PTPRD: variants seen among roughly 807,000 people sequenced by gnomAD.
The protein encoded by PTPRD is protein tyrosine phosphatase receptor type D.
In PTPRD, 34 loss-of-function variants were observed where a neutral mutation model predicts 214.5. That is an observed-to-expected ratio of 0.16 (90% CI 0.12 to 0.21). PTPRD has a LOEUF of 0.21. Ranked by LOEUF, PTPRD falls within the 10% of genes least tolerant of loss-of-function variation. The pLI is 1.00. For missense variants in PTPRD, 2,545 were observed against 2,398.7 expected (o/e 1.06, Z -1.27); for synonymous variants, 1,128 against 845.7 (o/e 1.33, Z -5.79).
chr9:8,581,463 C>T (rs1045045503), intron 14 of PTPRD, among the ~76,000 whole-genome samples: 1 of 151,932 alleles, frequency 6.6e-6, no homozygotes, highest in African/African-American at 2.4e-5. Context: ...AAAAGGGTGG[C>T]CGGGGCCGGG....
intron 2 of PTPRD, among the ~76,000 whole-genome samples, chr9:10,391,602 G>T (rs2098067022): frequency 6.6e-6 from 1 of 151,682 alleles, no homozygotes; most frequent in Non-Finnish European, 1.5e-5. Context: ...TATACCCTGA[G>T]TATAACCATT....
At chr9:9,477,995 A>T (rs1589426832) in intron 8 of PTPRD, among the ~76,000 whole-genome samples, 1 of 152,340 alleles carries the variant, frequency 6.6e-6, no homozygotes, top group East Asian at 1.9e-4. Context: ...CAAAAATTTA[A>T]TAACAGTAAT....
In PTPRD at chr9:8,774,625, C is replaced by A. The variant is rs374669061; in HGVS notation, c.-103-40679G>T. ...TCTCGGCCCACTGCAACCTCCGCCT[C>A]CTGGGTTCAAGTGATTCTCCTGCCT... is the stretch of plus-strand genomic sequence containing the variant. On this transcript the variant is annotated intron_variant, in intron 11 of 45. Transcript: ENST00000381196. 4.8e-3 allele frequency among the ~76,000 whole-genome samples: 714 copies of A among 148,338 alleles called. 4 individuals carry two copies. The highest frequency in any genetic ancestry group is 0.039 in the Middle Eastern group (11 of 282).
intron 3 of PTPRD, among the ~76,000 whole-genome samples, chr9:10,252,809 A>ACACT: frequency 6.6e-6 from 1 of 152,244 alleles, no homozygotes; most frequent in East Asian, 1.9e-4. Flanking sequence ...TTTGAGACAA[A>ACACT]CACTCACTCT....
At chr9:10,038,145 T>C (rs2097222086) in intron 3 of PTPRD, among the ~76,000 whole-genome samples, 1 of 152,156 alleles carries the variant, frequency 6.6e-6, no homozygotes, top group Admixed American at 6.6e-5. Context: ...ATTTCCATGA[T>C]GCTACTTTTC....
chr9:9,802,888 C>CT (rs2099050537), intron 5 of PTPRD, among the ~76,000 whole-genome samples: 1 of 151,832 alleles, frequency 6.6e-6, no homozygotes, highest in Non-Finnish European at 1.5e-5. Flanking sequence ...TTGCATTACA[C>CT]TAATAATGCA....
At chr9:9,665,410 T>C (rs1230247971) in intron 7 of PTPRD, among the ~76,000 whole-genome samples, 1 of 151,758 alleles carries the variant, frequency 6.6e-6, no homozygotes, top group Admixed American at 6.6e-5. Flanking sequence ...TTATTTAATA[T>C]CAAAACTTAT....
intron 4 of PTPRD, among the ~76,000 whole-genome samples, chr9:9,965,468 GATA>G (rs1441580324): frequency 3.9e-5 from 6 of 152,170 alleles, no homozygotes; most frequent in Non-Finnish European, 8.8e-5. Flanking sequence ...GGGGACAGGA[GATA>G]ATGTTAGACA....
intron 11 of PTPRD, among the ~76,000 whole-genome samples, chr9:8,963,625 A>G (rs2099170185): frequency 6.6e-6 from 1 of 150,860 alleles, no homozygotes; most frequent in South Asian, 2.1e-4. Flanking sequence ...ATCACAATTA[A>G]CTTTTTTTTT....
At chr9:9,014,755 A>G (rs1278230510) in intron 11 of PTPRD, among the ~76,000 whole-genome samples, 2 of 152,188 alleles carry the variant, frequency 1.3e-5, no homozygotes, top group African/African-American at 4.8e-5. Flanking sequence ...TAATTTCTGA[A>G]GTAAGATGAC....
chr9:8,493,552 C>T (rs1271923457), intron 26 of PTPRD, among the ~76,000 whole-genome samples: 4 of 152,110 alleles, frequency 2.6e-5, no homozygotes, highest in East Asian at 1.9e-4. Context: ...GACCTAGATA[C>T]CCTGAGAGAG....
chr9:10,299,587 T>A (rs1468817917), intron 3 of PTPRD, among the ~76,000 whole-genome samples: 1 of 152,154 alleles, frequency 6.6e-6, no homozygotes, highest in East Asian at 1.9e-4. Context: ...AATTTTACAT[T>A]ATAATTGCTA....
intron 14 of PTPRD, among the ~76,000 whole-genome samples, chr9:8,590,953 C>T (rs972252527): frequency 1.6e-4 from 24 of 152,096 alleles, no homozygotes; most frequent in African/African-American, 5.6e-4. Context: ...GTTAGCAGTC[C>T]TTTATGGAGG....
intron 3 of PTPRD, among the ~76,000 whole-genome samples, chr9:10,040,469 C>T (rs766035814): frequency 2.6e-5 from 4 of 152,016 alleles, no homozygotes; most frequent in Non-Finnish European, 5.9e-5. Context: ...TTGCCACTAC[C>T]CTGAGTGTGG....
intron 38 of PTPRD, 99 bp downstream of exon 38, chr9:8,376,508 C>G (rs1564389972): frequency 6.5e-7 from 1 of 1,542,732 alleles, no homozygotes; most frequent in Non-Finnish European, 8.9e-7. Context: ...CCATTGAGAT[C>G]AAGATTTAAG....
intron 43 of PTPRD, among the ~76,000 whole-genome samples, chr9:8,338,005 C>CCCT (rs1848650530): frequency 6.6e-6 from 1 of 152,068 alleles, no homozygotes; most frequent in Non-Finnish European, 1.5e-5. Context: ...CCTAGGCCAA[C>CCCT]CCTCCTGCTA....
At chr9:9,680,600 G>A (rs1449103677) in intron 7 of PTPRD, among the ~76,000 whole-genome samples, 1 of 151,666 alleles carries the variant, frequency 6.6e-6, no homozygotes, top group Non-Finnish European at 1.5e-5. Flanking sequence ...AATATGAATT[G>A]GAAAGAACTA....
At chr9:9,215,057 T>C (rs1233241854) in intron 9 of PTPRD, among the ~76,000 whole-genome samples, 1 of 152,198 alleles carries the variant, frequency 6.6e-6, no homozygotes, top group Non-Finnish European at 1.5e-5. Context: ...TTGGCCTACT[T>C]TCTTGGAACA....
intron 4 of PTPRD, among the ~76,000 whole-genome samples, chr9:10,004,087 T>A (rs1247518155): frequency 6.6e-6 from 1 of 151,762 alleles, no homozygotes; most frequent in Non-Finnish European, 1.5e-5. Context: ...CTAATATTCA[T>A]CAAATATTAT....
Sources: allele counts gnomAD v4.1 joint callset (sites outside exome capture counted in the v4.1 genomes callset), GRCh38; gene constraint gnomAD v4.1.1; transcripts MANE v1.5; gene names NCBI Gene and HGNC (gene_info 2026-07-23, HGNC 2026-07-21).